RBM34: variants seen among roughly 807,000 people sequenced by gnomAD.
The protein encoded by RBM34 is RNA binding motif protein 34, also known as RNA-binding protein 34.
A neutral mutation model predicts 44.6 loss-of-function variants in RBM34; 39 were observed. The ratio of observed to expected loss-of-function variants is 0.87; its 90% CI spans 0.68 to 1.14. The LOEUF is 1.14. RBM34 is among the 50% of genes most tolerant of loss of function. RBM34 has a pLI of 0.00. For synonymous variants in RBM34, 194 were observed against 184.0 expected (o/e 1.05, Z -0.44); for missense variants, 572 against 517.9 (o/e 1.10, Z -1.01).
intron 5 of RBM34, among the ~76,000 whole-genome samples, chr1:235,149,675 G>C (rs1392870994): frequency 1.3e-5 from 2 of 152,138 alleles, no homozygotes; most frequent in African/African-American, 4.8e-5. Flanking sequence ...CTTTATGGAA[G>C]AGGCAGAAAT....
intron 1 of RBM34, 27 bp downstream of exon 1, chr1:235,161,147 C>G: frequency 6.2e-7 from 1 of 1,600,264 alleles, no homozygotes; most frequent in Non-Finnish European, 8.5e-7. Context: ...CATCCCTCCC[C>G]AGGTACTCGT....
chr1:235,146,364 A>T (rs760024665), intron 6 of RBM34, among the ~76,000 whole-genome samples: 13 of 152,124 alleles, frequency 8.5e-5, no homozygotes, highest in Non-Finnish European at 1.5e-4. Context: ...GGGCATTTTT[A>T]AAAAATGCTA....
intron 6 of RBM34, among the ~76,000 whole-genome samples, chr1:235,143,433 T>C (rs1043472295): frequency 4.6e-5 from 7 of 152,240 alleles, no homozygotes; most frequent in Non-Finnish European, 1.0e-4. Flanking sequence ...ATAACCTGAA[T>C]GTTCATAAAC....
intron 5 of RBM34, among the ~76,000 whole-genome samples, chr1:235,150,059 A>G (rs1662094859): frequency 6.6e-6 from 1 of 151,992 alleles, no homozygotes; most frequent in South Asian, 2.1e-4. Context: ...ACGTCCCGTT[A>G]TTTGTTTGGT....
Position 235,155,968 on chromosome 1 carries a change from C to T in RBM34, c.366-856G>A, listed in dbSNP as rs559624268. Among the ~76,000 whole-genome samples, 49 of 145,468 alleles carry T rather than the reference C, an allele frequency of 3.4e-4. 1 individual carries two copies. The highest frequency in any genetic ancestry group is 1.3e-3 in the South Asian group (6 of 4,626). On this transcript the variant is annotated intron_variant, in intron 3 of 10. Coordinates refer to ENST00000408888, the MANE Select transcript of RBM34 (RefSeq NM_015014.4). ...CACTGCAACCTCCGCCTCTCTGGTT[C>T]ACAACGATTCTTTTGCCTCAGCCTC...
chr1:235,160,685 C>T, intron 2 of RBM34, 38 bp from the exon 3 acceptor site: 1 of 1,595,782 alleles, frequency 6.3e-7, no homozygotes, highest in Non-Finnish European at 8.5e-7. Flanking sequence ...AGACCCCATA[C>T]TTCTAGAATT....
chr1:235,140,818 C>G (rs1425996634), intron 6 of RBM34, among the ~76,000 whole-genome samples: 1 of 152,216 alleles, frequency 6.6e-6, no homozygotes, highest in African/African-American at 2.4e-5. Context: ...ATACACCAAT[C>G]AGCACCCTGT....
At position 235,143,872 on chromosome 1, in the gene RBM34, C is replaced by T. The variant is rs555534180; in HGVS notation, c.701+4532G>A. 2.1e-4 allele frequency among the ~76,000 whole-genome samples: 32 copies of T among 152,226 alleles called. No individual in the cohort carries two copies. The South Asian group carries it at 5.4e-3, about 26-fold the overall frequency. On this transcript the variant is annotated intron_variant, in intron 6 of 10. Transcript: ENST00000408888. ...AATAAAAACGAATTAATTACCAATGCATTGCAATAATAAGAACAAATCTCA... is the reference window on the plus strand; with the variant it reads ...AATAAAAACGAATTAATTACCAATGTATTGCAATAATAAGAACAAATCTCA...
At position 235,133,897 on chromosome 1, in the gene RBM34, C is replaced by CT. The variant is rs112904226; in HGVS notation, c.1008+1754dup. On this transcript the variant is annotated intron_variant, in intron 10 of 10. Coordinates refer to ENST00000408888, the MANE Select transcript of RBM34 (RefSeq NM_015014.4). ...TTTTGTTTTGAGATAGGGTCTCACTCTGTCAGTTCGGCTGGAGTGCAGTGG... is the reference window on the plus strand; with the variant it reads ...TTTTGTTTTGAGATAGGGTCTCACTCTTGTCAGTTCGGCTGGAGTGCAGTGG... Among the ~76,000 whole-genome samples the CT allele has an allele frequency of 5.5e-4, 84 of 152,250 alleles. 2 individuals carry two copies. Among genetic ancestry groups the CT allele is most frequent in the African/African-American group, 1.8e-3 (73 of 41,548 alleles).
chr1:235,148,325 T>C lies in RBM34; in HGVS notation c.701+79A>G, dbSNP rs1035222780. ...AAATATATTAATAAAATCTATGCAA[T>C]TGTTAAGAAATGGTCTCACTTTTTA... On this transcript the variant is annotated intron_variant, in intron 6 of 10. Coordinates refer to ENST00000408888, the MANE Select transcript of RBM34 (RefSeq NM_015014.4). 5 of 1,051,624 alleles carry C rather than the reference T, an allele frequency of 4.8e-6. No individual in the cohort carries two copies. In the East Asian group the frequency reaches 7.7e-5, roughly 16 times the overall value. 65.1% of individuals were successfully genotyped at this position (1,051,624 alleles called of 1,614,324 possible). A position where few individuals can be genotyped will look rare whatever the true frequency, so the allele number is the denominator to read the frequency against.
chr1:235,137,798 C>T, intron 8 of RBM34, 79 bp downstream of exon 8: 1 of 1,117,448 alleles, frequency 8.9e-7, no homozygotes, highest in South Asian at 1.5e-5. Flanking sequence ...TGATTCCAGT[C>T]CCCTTCCAGG....
At chr1:235,156,907 C>G (rs1438428217) in intron 3 of RBM34, among the ~76,000 whole-genome samples, 2 of 152,180 alleles carry the variant, frequency 1.3e-5, no homozygotes, top group Non-Finnish European at 2.9e-5. Context: ...ACGAGAAAGG[C>G]TTCTCAGAGG....
At chr1:235,160,183 C>G in intron 3 of RBM34, 1 of 446,362 alleles carries the variant, frequency 2.2e-6, no homozygotes, top group South Asian at 1.7e-5. Context: ...ACCTGGGAAG[C>G]GGAGGTTGCA....
At chr1:235,132,340 C>T (rs896620607) in intron 10 of RBM34, among the ~76,000 whole-genome samples, 3 of 151,780 alleles carry the variant, frequency 2.0e-5, no homozygotes, top group African/African-American at 4.8e-5. Context: ...GACGGAATCT[C>T]GCTCTGTTGC....
rs758114104 is a variant in RBM34 at position 235,131,497 on chromosome 1, A to C, written c.*216T>G. Reference sequence around the variant, plus strand: ...CACTCCAGCCTGGGAGACAACAGCCAAACTCCATCTCAAAAAACAAAACAA... The same window carrying C: ...CACTCCAGCCTGGGAGACAACAGCCCAACTCCATCTCAAAAAACAAAACAA... On this transcript the variant is annotated 3_prime_UTR_variant, in exon 11 of 11. Transcript: ENST00000408888. 4.0e-6 allele frequency: 2 copies of C among 506,278 alleles called. No homozygotes were observed. Among genetic ancestry groups the C allele is most frequent in the African/African-American group, 1.9e-5 (1 of 51,468 alleles). 31.4% of individuals were successfully genotyped at this position (506,278 alleles called of 1,614,324 possible).
chr1:235,150,729 A>T (rs547415068), intron 5 of RBM34, among the ~76,000 whole-genome samples: 1 of 152,300 alleles, frequency 6.6e-6, no homozygotes, highest in East Asian at 1.9e-4. Context: ...AAGAAGTAAG[A>T]CAGAGTATTT....
At chr1:235,151,463 G>C (rs1339037603) in intron 5 of RBM34, among the ~76,000 whole-genome samples, 1 of 152,176 alleles carries the variant, frequency 6.6e-6, no homozygotes, top group Non-Finnish European at 1.5e-5. Flanking sequence ...CAGAAATTAT[G>C]GGCACTGTCA....
chr1:235,135,504 C>T lies in RBM34; in HGVS notation c.1008+148G>A, dbSNP rs1459526582. The T allele has an allele frequency of 1.3e-5, 9 of 708,784 alleles. No homozygotes were observed. The African/African-American group carries it at 1.6e-4, about 12-fold the overall frequency. The allele number at this position is 708,784 out of a possible 1,614,324, so 43.9% of individuals were successfully genotyped here. On this transcript the variant is annotated intron_variant, in intron 10 of 10. Transcript: ENST00000408888. ...TCGGCCTCCCAAAGTGCTGGGATTA[C>T]AGGCATGAGTCACTGCACCTAGCCC...
chr1:235,160,280 G>C (rs1662645158), intron 3 of RBM34: 1 of 668,990 alleles, frequency 1.5e-6, no homozygotes, highest in Non-Finnish European at 2.7e-6. Context: ...TAATGAGGGG[G>C]TATATGAGTG....
Sources: allele counts gnomAD v4.1 joint callset (sites outside exome capture counted in the v4.1 genomes callset), GRCh38; gene constraint gnomAD v4.1.1; transcripts MANE v1.5; gene names NCBI Gene and HGNC (gene_info 2026-07-23, HGNC 2026-07-21).